SGPP1: variants seen among roughly 807,000 people sequenced by gnomAD.
SGPP1 encodes sphingosine-1-phosphate phosphatase 1, also known as hSPP1.
In SGPP1, 21 loss-of-function variants were observed where a neutral mutation model predicts 33.0. That is an observed-to-expected ratio of 0.64 (90% CI 0.45 to 0.92). The LOEUF (loss-of-function observed/expected upper bound fraction) is 0.92, where lower values mean the gene tolerates loss of function less well. SGPP1 is among the 40% of genes least tolerant of loss of function. The pLI, the probability that SGPP1 is intolerant of heterozygous loss-of-function variation, is 0.00. For missense variants in SGPP1, 543 were observed against 589.4 expected (o/e 0.92, Z 0.81); for synonymous variants, 239 against 241.2 (o/e 0.99, Z 0.08).
In SGPP1 at chr14:63,685,034, A is replaced by G. The variant is rs1255502251; in HGVS notation, c.*1071T>C. ...AATTTCAACGTTTCCATTCACTGGA[A>G]ATACCTACCTGCAGTATAAACAATC... is the stretch of plus-strand genomic sequence containing the variant. On this transcript the variant is annotated 3_prime_UTR_variant, in exon 3 of 3. Coordinates refer to ENST00000247225, the MANE Select transcript of SGPP1 (RefSeq NM_030791.4). 1 of 152,012 alleles carries G rather than the reference A, an allele frequency of 6.6e-6. No homozygotes were observed. The highest frequency in any genetic ancestry group is 1.5e-5 in the Non-Finnish European group (1 of 67,908). 9.4% of individuals were successfully genotyped at this position (152,012 alleles called of 1,614,324 possible). A position where few individuals can be genotyped will look rare whatever the true frequency, so the allele number is the denominator to read the frequency against.
intron 1 of SGPP1, among the ~76,000 whole-genome samples, chr14:63,701,156 A>C (rs1047411137): frequency 6.6e-6 from 1 of 151,912 alleles, no homozygotes. Context: ...TTTTTTAAAA[A>C]ATATTTTGCA....
At chr14:63,691,468 C>A (rs1885093889) in intron 2 of SGPP1, among the ~76,000 whole-genome samples, 1 of 152,210 alleles carries the variant, frequency 6.6e-6, no homozygotes, top group Admixed American at 6.6e-5. Context: ...CCTCAGGCAT[C>A]TACCTCCTCC....
chr14:63,691,942 AAAC>A (rs1275237663), intron 2 of SGPP1, among the ~76,000 whole-genome samples: 1 of 152,174 alleles, frequency 6.6e-6, no homozygotes, highest in Non-Finnish European at 1.5e-5. Flanking sequence ...TAAAAATAAA[AAAC>A]AAAAAGAGAA....
chr14:63,686,113 T>C lies in SGPP1; in HGVS notation c.1318A>G (p.Ile440Val), dbSNP rs1450247886. 2.5e-6 allele frequency: 4 copies of C among 1,582,738 alleles called. No homozygotes were observed. The highest frequency in any genetic ancestry group is 3.4e-6 in the Non-Finnish European group (4 of 1,160,846). ...FVPYIFFFIG[I>V]S The stretch of plus-strand genomic sequence containing the variant: ...TAAACAATACTTCTCCATCAAGAGA[T>C]ACCAATAAAGAAAAATATGTAAGGA... The change falls in exon 3 of 3, where the codon ATC becomes GTC. Residue 440 changes from isoleucine (I) to valine (V), a missense_variant. Ile to Val is a conservative substitution (Grantham distance 29). Transcript: ENST00000247225.
In SGPP1 at chr14:63,727,950, C is replaced by T. The variant is rs1437210370; in HGVS notation, c.-6G>A. The T allele has an allele frequency of 1.3e-6, 2 of 1,542,522 alleles. No homozygotes were observed. Among genetic ancestry groups the T allele is most frequent in the Admixed American group, 1.9e-5 (1 of 52,738 alleles). ...AGGCGCTGCCTCAGCGACATGATAA[C>T]GGAACCCCCGGGAAGGCGGGCCGGC... is the stretch of plus-strand genomic sequence containing the variant. On this transcript the variant is annotated 5_prime_UTR_variant, in exon 1 of 3. Coordinates refer to ENST00000247225, the MANE Select transcript of SGPP1 (RefSeq NM_030791.4).
At chr14:63,713,645 A>G (rs1452250653) in intron 1 of SGPP1, among the ~76,000 whole-genome samples, 4 of 152,228 alleles carry the variant, frequency 2.6e-5, no homozygotes, top group Non-Finnish European at 5.9e-5. Context: ...GAAAGCCAAA[A>G]TCTAGGGAAG....
chr14:63,727,123 T>C, intron 1 of SGPP1, 138 bp downstream of exon 1: 1 of 1,367,714 alleles, frequency 7.3e-7, no homozygotes. Flanking sequence ...AGAAAGGGCC[T>C]GTTTGCGAGT....
chr14:63,688,540 G>A (rs556844038), intron 2 of SGPP1, among the ~76,000 whole-genome samples: 13 of 151,808 alleles, frequency 8.6e-5, no homozygotes, highest in Non-Finnish European at 2.9e-5. Flanking sequence ...AAAATGTTCC[G>A]TATTTCTACC....
chr14:63,698,240 T>C (rs1021832157), intron 2 of SGPP1, among the ~76,000 whole-genome samples: 2 of 152,222 alleles, frequency 1.3e-5, no homozygotes, highest in African/African-American at 4.8e-5. Context: ...TTGGTTTCTG[T>C]AGCCACATTG....
At chr14:63,687,164 G>A (rs1050133012) in intron 2 of SGPP1, among the ~76,000 whole-genome samples, 1 of 152,130 alleles carries the variant, frequency 6.6e-6, no homozygotes, top group African/African-American at 2.4e-5. Flanking sequence ...AATGTGGCTG[G>A]GCAAGGTAGC....
intron 1 of SGPP1, among the ~76,000 whole-genome samples, chr14:63,725,247 C>T (rs1167778353): frequency 2.0e-5 from 3 of 151,996 alleles, no homozygotes; most frequent in Admixed American, 2.0e-4. Context: ...TGGTGGTAGG[C>T]GCCTGTAATC....
chr14:63,690,639 C>T (rs1187805461), intron 2 of SGPP1, among the ~76,000 whole-genome samples: 1 of 152,112 alleles, frequency 6.6e-6, no homozygotes, highest in Non-Finnish European at 1.5e-5. Flanking sequence ...GCAGAATCTA[C>T]CAAATTACTT....
In SGPP1 at chr14:63,686,115, C is replaced by A; in HGVS notation, c.1316G>T (p.Gly439Val). 1 of 1,584,892 alleles carries A rather than the reference C, an allele frequency of 6.3e-7. No homozygotes were observed. The highest frequency in any genetic ancestry group is 1.1e-5 in the South Asian group (1 of 87,426). The change falls in exon 3 of 3, where the codon GGT (glycine) becomes GTT (valine). Residue 439 changes from glycine to valine, a missense_variant. Gly to Val is a moderately radical substitution (Grantham distance 109). Transcript: ENST00000247225. ...FFVPYIFFFI[G>V]IS ...AACAATACTTCTCCATCAAGAGATA[C>A]CAATAAAGAAAAATATGTAAGGAAC...
intron 1 of SGPP1, among the ~76,000 whole-genome samples, chr14:63,725,916 A>T (rs188651670): frequency 2.7e-3 from 405 of 152,328 alleles, no homozygotes; most frequent in Middle Eastern, 0.014. Context: ...AAAATCTTAA[A>T]TTCTGAAATA....
chr14:63,727,206 G>A lies in SGPP1; in HGVS notation c.684+55C>T, dbSNP rs978312852. ...TTAAAATAAATGCAGAGAGCAAAGA[G>A]AACTCCGAGTTCTTTGAACTCCCCC... is the stretch of plus-strand genomic sequence containing the variant. On this transcript the variant is annotated intron_variant, in intron 1 of 2. Coordinates refer to ENST00000247225, the MANE Select transcript of SGPP1 (RefSeq NM_030791.4). 4 of 1,519,688 alleles carry A rather than the reference G, an allele frequency of 2.6e-6. No individual in the cohort carries two copies. The East Asian group carries it at 6.9e-5, about 26-fold the overall frequency. The allele number at this position is 1,519,688 out of a possible 1,614,324, so 94.1% of individuals were successfully genotyped here.
chr14:63,706,780 G>GA (rs1240994960), intron 1 of SGPP1, among the ~76,000 whole-genome samples: 2 of 151,984 alleles, frequency 1.3e-5, no homozygotes, highest in Non-Finnish European at 2.9e-5. Flanking sequence ...GTAAACTTAA[G>GA]AAACAGAATC....
intron 1 of SGPP1, among the ~76,000 whole-genome samples, chr14:63,701,037 G>A (rs1333354395): frequency 6.6e-6 from 1 of 151,956 alleles, no homozygotes; most frequent in Non-Finnish European, 1.5e-5. Flanking sequence ...CTGGAGTGCA[G>A]TGGCATGATC....
chr14:63,703,207 A>G (rs923258854), intron 1 of SGPP1, among the ~76,000 whole-genome samples: 1 of 147,076 alleles, frequency 6.8e-6, no homozygotes, highest in Non-Finnish European at 1.5e-5. Flanking sequence ...ACATACCAGC[A>G]ATAAAAAAAA....
intron 1 of SGPP1, among the ~76,000 whole-genome samples, chr14:63,718,747 A>C (rs1333960620): frequency 6.6e-6 from 1 of 151,668 alleles, no homozygotes; most frequent in Non-Finnish European, 1.5e-5. Context: ...AGCAATAAAA[A>C]AATTAAAAAT....
Sources: gnomAD v4.1 joint callset for allele counts (sites outside exome capture counted in the v4.1 genomes callset) on GRCh38, gnomAD v4.1.1 for gene constraint, MANE v1.5 for transcripts, NCBI Gene and HGNC (gene_info 2026-07-23, HGNC 2026-07-21) for gene names.